Variants in SLC6A5 observed in about 807,000 individuals in gnomAD.
SLC6A5 encodes the protein solute carrier family 6 member 5, also known as sodium- and chloride-dependent glycine transporter 2.
Under a neutral mutation model 90.5 loss-of-function variants are expected in SLC6A5, and 58 were observed. The ratio of observed to expected loss-of-function variants is 0.64; its 90% confidence interval spans 0.52 to 0.80. SLC6A5 has a LOEUF of 0.80. SLC6A5 is among the 30% of genes least tolerant of loss of function. The pLI, the probability that SLC6A5 is intolerant of heterozygous loss-of-function variation, is 0.00. For synonymous variants in SLC6A5, 427 were observed against 401.4 expected (o/e 1.06, Z -0.76); for missense variants, 1,015 against 1,017.6 (o/e 1.00, Z 0.03).
At chr11:20,630,274 C>T (rs2133802549) in intron 9 of SLC6A5, among the ~76,000 whole-genome samples, 1 of 152,236 alleles carries the variant, frequency 6.6e-6, no homozygotes, top group Non-Finnish European at 1.5e-5. Context: ...AGACACATTC[C>T]CTTCAGCCTA....
intron 7 of SLC6A5, among the ~76,000 whole-genome samples, chr11:20,623,563 G>T (rs532295898): frequency 1.8e-4 from 28 of 152,226 alleles, no homozygotes; most frequent in African/African-American, 6.7e-4. Flanking sequence ...GGGTGATTCT[G>T]TGCAAACGTT....
chr11:20,610,136 C>T (rs79062102), intron 5 of SLC6A5, among the ~76,000 whole-genome samples: 1,568 of 152,162 alleles, frequency 0.01, 37 homozygotes, highest in African/African-American at 0.037. Flanking sequence ...TAATAATTGC[C>T]CAAGTAAAGA....
chr11:20,646,651 T>A (rs541227709), intron 13 of SLC6A5, among the ~76,000 whole-genome samples, 183 bp from the exon 14 acceptor site: 3 of 152,284 alleles, frequency 2.0e-5, no homozygotes, highest in African/African-American at 4.8e-5. Context: ...CAATTTGCCT[T>A]AATCTTCCTG....
At chr11:20,635,933 T>G (rs541044422) in intron 10 of SLC6A5, among the ~76,000 whole-genome samples, 1 of 152,190 alleles carries the variant, frequency 6.6e-6, no homozygotes, top group Non-Finnish European at 1.5e-5. Flanking sequence ...TCACTGCTGG[T>G]TGAGTACTAC....
rs1852419118 is a variant in SLC6A5, at chr11:20,599,617, T to C, written c.-56T>C. On this transcript the variant is annotated 5_prime_UTR_variant, in exon 1 of 16. Coordinates refer to ENST00000525748, the MANE Select transcript of SLC6A5 (RefSeq NM_004211.5). Reference sequence around the variant, plus strand: ...CCTCTCCTGCCTGAGCCAAACCCAGTCTTGTCAATAGCGGGTTTCACCCTC... The same window carrying C: ...CCTCTCCTGCCTGAGCCAAACCCAGCCTTGTCAATAGCGGGTTTCACCCTC... The C allele has an allele frequency of 6.2e-7, 1 of 1,612,220 alleles. No individual in the cohort carries two copies. Among genetic ancestry groups the C allele is most frequent in the South Asian group, 1.1e-5 (1 of 91,042 alleles).
chr11:20,601,744 G>A, intron 2 of SLC6A5, 79 bp downstream of exon 2: 1 of 1,469,252 alleles, frequency 6.8e-7, no homozygotes, highest in Non-Finnish European at 9.3e-7. Flanking sequence ...CGTGGCGGGT[G>A]CACGTATGCT....
rs1246454358 is a variant in SLC6A5, at chr11:20,611,768, A to G, written c.986-2911A>G. Among the ~76,000 whole-genome samples, 9 of 11,846 alleles carry G rather than the reference A, an allele frequency of 7.6e-4. No homozygotes were observed. In the South Asian group the frequency reaches 0.02, roughly 26 times the overall value. The allele number at this position is 11,846 out of a possible 152,430, so 7.8% of individuals were successfully genotyped here. ...GTTTATTTGTTTATTTATTTTGGTG[A>G]AAAAAAAAAAAAAACAAGGTGTCAA... On this transcript the variant is annotated intron_variant, in intron 5 of 15. Transcript: ENST00000525748.
rs560488446 is a variant in SLC6A5, at chr11:20,647,348, T to TTA, written c.2070+419_2070+420dup. On this transcript the variant is annotated intron_variant, in intron 14 of 15. Coordinates refer to ENST00000525748, the MANE Select transcript of SLC6A5 (RefSeq NM_004211.5). ...TTATATATATAACTATATATTCCTA[T>TTA]TATATAGTTATATATATAACTATAT... Among the ~76,000 whole-genome samples, 347 of 71,058 alleles carry TTA rather than the reference T, an allele frequency of 4.9e-3. 2 individuals are homozygous for TTA. Among genetic ancestry groups the TTA allele is most frequent in the African/African-American group, 0.012 (333 of 26,746 alleles). 46.6% of individuals were successfully genotyped at this position (71,058 alleles called of 152,430 possible).
chr11:20,630,589 A>G (rs1359475774), intron 9 of SLC6A5, 102 bp from the exon 10 acceptor site: 1 of 1,345,688 alleles, frequency 7.4e-7, no homozygotes, highest in Non-Finnish European at 1.1e-6. Flanking sequence ...ATGCCTACAC[A>G]TGTGCAGACA....
At chr11:20,619,314 C>T (rs181910658) in intron 7 of SLC6A5, among the ~76,000 whole-genome samples, 16 of 152,312 alleles carry the variant, frequency 1.1e-4, no homozygotes, top group Admixed American at 3.3e-4. Flanking sequence ...CCACATAGAC[C>T]GAACTGTCTT....
rs528180914 is a variant in SLC6A5, at chr11:20,622,649, A to T, written c.1261-4059A>T. Among the ~76,000 whole-genome samples the T allele has an allele frequency of 9.8e-5, 15 of 152,328 alleles. No individual in the cohort carries two copies. The South Asian group carries it at 2.9e-3, about 29-fold the overall frequency. On this transcript the variant is annotated intron_variant, in intron 7 of 15. Transcript: ENST00000525748. Reference sequence around the variant, plus strand: ...CAAAATGGGACAAATATACCTGGCCACAGAGGGAACTCAGGAGTGATGGTG... The same window carrying T: ...CAAAATGGGACAAATATACCTGGCCTCAGAGGGAACTCAGGAGTGATGGTG...
chr11:20,634,983 T>C (rs1853176933), intron 10 of SLC6A5, among the ~76,000 whole-genome samples: 1 of 152,142 alleles, frequency 6.6e-6, no homozygotes, highest in African/African-American at 2.4e-5. Flanking sequence ...ACAGTAATCT[T>C]CCCAGTGAGA....
chr11:20,629,216 A>T (rs1418104706), intron 9 of SLC6A5: 5 of 152,200 alleles, frequency 3.3e-5, no homozygotes, highest in Non-Finnish European at 7.3e-5. Context: ...CGATGAAGGT[A>T]GAGACACTGG....
chr11:20,617,412 G>C (rs148683640), intron 6 of SLC6A5, among the ~76,000 whole-genome samples: 55 of 152,328 alleles, frequency 3.6e-4, no homozygotes, highest in African/African-American at 1.3e-3. Flanking sequence ...CACCCTTGAC[G>C]GTTCAGAGTT....
chr11:20,642,316 A>T (rs1487804715), intron 13 of SLC6A5, among the ~76,000 whole-genome samples: 2 of 151,914 alleles, frequency 1.3e-5, no homozygotes, highest in Non-Finnish European at 2.9e-5. Context: ...AAAGCCACAA[A>T]GGTGCATGGG....
In SLC6A5 at chr11:20,654,737, C is replaced by G. The variant is rs759773884; in HGVS notation, c.2263C>G (p.Gln755Glu). 1 of 1,614,198 alleles carries G rather than the reference C, an allele frequency of 6.2e-7. No individual in the cohort carries two copies. The highest frequency in any genetic ancestry group is 8.5e-7 in the Non-Finnish European group (1 of 1,180,038). The stretch of plus-strand genomic sequence containing the variant: ...GAGGCTGAAGTTGGTGTGCTCGCCA[C>G]AGCCGGACTGGGGCCCATTCTTAGC... ...IERLKLVCSP[Q>E]PDWGPFLAQH... Residue 755 changes from glutamine (Q) to glutamate (E), a missense_variant, in exon 16 of 16, where the codon CAG (glutamine) becomes GAG (glutamate). Gln to Glu is a conservative substitution (Grantham distance 29). This residue lies in a region of SLC6A5 where 442 missense variants were observed against 494.3 expected (regional missense o/e 0.89). Transcript: ENST00000525748.
intron 7 of SLC6A5, among the ~76,000 whole-genome samples, chr11:20,623,704 C>CT (rs1387331971): frequency 6.6e-6 from 1 of 152,086 alleles, no homozygotes; most frequent in African/African-American, 2.4e-5. Context: ...TGTGCCCCCT[C>CT]TCTTGCCACA....
chr11:20,629,199 G>C (rs1318122971), intron 9 of SLC6A5: 4 of 152,190 alleles, frequency 2.6e-5, no homozygotes, highest in Non-Finnish European at 4.4e-5. Context: ...ACCAGCAGCA[G>C]GCTCTGCGAT....
chr11:20,637,258 C>T lies in SLC6A5; in HGVS notation c.1824C>T (p.Gly608=). ...CACACAAGCCAGTGTTTACTCTGGG[C>T]TGCTGCATTTGTTTCTTCATCATGG... The part of the protein sequence containing the change: ...LRTHKPVFTL[G]CCICFFIMGF... Residue 608 remains glycine (G), a synonymous_variant, in exon 12 of 16, where the codon GGC becomes GGT. Coordinates refer to ENST00000525748, the MANE Select transcript of SLC6A5 (RefSeq NM_004211.5). 1 of 1,611,438 alleles carries T rather than the reference C, an allele frequency of 6.2e-7. No homozygotes were observed.
Sources: allele counts gnomAD v4.1 joint callset (sites outside exome capture counted in the v4.1 genomes callset), GRCh38; gene constraint gnomAD v4.1.1; regional missense constraint gnomAD v4.1.1; transcripts MANE v1.5; gene names NCBI Gene and HGNC (gene_info 2026-07-23, HGNC 2026-07-21).